IFT81: variants seen among roughly 807,000 people sequenced by gnomAD.
IFT81 encodes the protein intraflagellar transport protein 81 homolog.
IFT81 carries 72 observed loss-of-function variants against 102.6 expected under a neutral mutation model. The observed-to-expected ratio is 0.70, with a 90% confidence interval of 0.58 to 0.85. IFT81 has a LOEUF of 0.85. Ranked by LOEUF, IFT81 falls within the 40% of genes least tolerant of loss-of-function variation. The pLI is 0.00. For synonymous variants in IFT81, 237 were observed against 242.7 expected (o/e 0.98, Z 0.22); for missense variants, 723 against 787.3 (o/e 0.92, Z 0.98).
intron 17 of IFT81, among the ~76,000 whole-genome samples, chr12:110,207,861 T>G (rs1868880354): frequency 6.6e-6 from 1 of 152,196 alleles, no homozygotes; most frequent in African/African-American, 2.4e-5. Flanking sequence ...CTGCTTTAAA[T>G]CTCACATTTT....
At chr12:110,201,189 A>G (rs1050321442) in intron 14 of IFT81, among the ~76,000 whole-genome samples, 11 of 151,916 alleles carry the variant, frequency 7.2e-5, no homozygotes, top group African/African-American at 2.7e-4. Context: ...GATCACCTGA[A>G]GTCAGGAGTT....
rs536301519 is a variant in IFT81, at chr12:110,148,994, T to C, written c.1041+1946T>C. Among the ~76,000 whole-genome samples the C allele has an allele frequency of 3.9e-5, 6 of 152,366 alleles. No individual in the cohort carries two copies. The South Asian group carries it at 1.2e-3, about 32-fold the overall frequency. ...GTTTATTTAATCTCATTATGAATCC[T>C]AGACATTATAAGTTTTAAACAGTAT... On this transcript the variant is annotated intron_variant, in intron 10 of 18. Transcript: ENST00000242591.
chr12:110,197,662 C>T (rs1386364600), intron 14 of IFT81, among the ~76,000 whole-genome samples: 1 of 150,370 alleles, frequency 6.7e-6, no homozygotes, highest in African/African-American at 2.4e-5. Context: ...CCTCTTCTAC[C>T]TTACATGTGC....
At chr12:110,146,880 G>A (rs1895253741) in intron 9 of IFT81, 73 bp from the exon 10 acceptor site, 4 of 1,437,760 alleles carry the variant, frequency 2.8e-6, no homozygotes, top group Non-Finnish European at 3.7e-6. Flanking sequence ...AGCTGGTTTG[G>A]CCAGACGTCA....
intron 11 of IFT81, chr12:110,167,847 C>CTTT (rs746060315): frequency 1.5e-3 from 352 of 228,170 alleles, no homozygotes; most frequent in South Asian, 4.0e-3. Flanking sequence ...ATTTAGGTTT[C>CTTT]TTTTTTTTTT....
chr12:110,217,160 T>G (rs2137624916), intron 18 of IFT81, among the ~76,000 whole-genome samples: 1 of 152,234 alleles, frequency 6.6e-6, no homozygotes, highest in South Asian at 2.1e-4. Context: ...TTCTCCTGTC[T>G]CAGCCTCCTG....
At chr12:110,135,082 A>G (rs1266537514) in intron 6 of IFT81, 69 bp downstream of exon 6, 12 of 1,182,542 alleles carry the variant, frequency 1.0e-5, no homozygotes, top group South Asian at 8.0e-5. Flanking sequence ...TTAGGAATGC[A>G]AATAAAGATT....
At chr12:110,174,164 G>C (rs1896925262) in intron 11 of IFT81, among the ~76,000 whole-genome samples, 1 of 150,406 alleles carries the variant, frequency 6.6e-6, no homozygotes, top group Non-Finnish European at 1.5e-5. Flanking sequence ...TATAGTCCCA[G>C]CTACTCGGGA....
At chr12:110,150,394 T>C (rs1288563466) in intron 10 of IFT81, among the ~76,000 whole-genome samples, 2 of 152,124 alleles carry the variant, frequency 1.3e-5, no homozygotes, top group Non-Finnish European at 1.5e-5. Context: ...TAGGCAGCCA[T>C]TGTTTTTAGG....
chr12:110,139,068 G>A (rs1344059018), intron 8 of IFT81, among the ~76,000 whole-genome samples: 1 of 152,018 alleles, frequency 6.6e-6, no homozygotes, highest in Non-Finnish European at 1.5e-5. Flanking sequence ...TGGTGCAGTG[G>A]TTCACACCTG....
In IFT81 at chr12:110,203,935, G is replaced by A. The variant is rs984372095; in HGVS notation, c.1629G>A (p.Arg543=). 1.9e-6 allele frequency: 3 copies of A among 1,611,482 alleles called. No homozygotes were observed. Among genetic ancestry groups the A allele is most frequent in the Admixed American group, 3.3e-5 (2 of 59,766 alleles). The change falls in exon 15 of 19, where the codon CGG becomes CGA. Residue 543 remains arginine, a synonymous_variant. Transcript: ENST00000242591. ...GTGCAGCAGGCCTCGAAAGCAATCG[G>A]TCCAAATTAGAACAGGTAAGAAGAG... The part of the protein sequence containing the change: ...DSCAAGLESN[R]SKLEQEVRRL...
intron 15 of IFT81, chr12:110,204,232 T>C (rs755241768): frequency 8.2e-5 from 25 of 305,010 alleles, no homozygotes; most frequent in South Asian, 6.2e-4. Flanking sequence ...TCCAGAGATC[T>C]TTATTTCTTT....
At chr12:110,193,396 A>T (rs960933762) in intron 14 of IFT81, among the ~76,000 whole-genome samples, 2 of 152,296 alleles carry the variant, frequency 1.3e-5, no homozygotes, top group East Asian at 1.9e-4. Flanking sequence ...AAGTGGTGAC[A>T]AGTTAACTTT....
intron 10 of IFT81, among the ~76,000 whole-genome samples, chr12:110,150,586 T>C (rs1463182786): frequency 6.6e-6 from 1 of 152,198 alleles, no homozygotes; most frequent in African/African-American, 2.4e-5. Context: ...AACATCAACA[T>C]AATTTAATTC....
intron 18 of IFT81, among the ~76,000 whole-genome samples, chr12:110,212,950 T>A (rs1271765316): frequency 6.6e-6 from 1 of 152,194 alleles, no homozygotes; most frequent in Admixed American, 6.5e-5. Context: ...GCCAGCCTTG[T>A]TTTGTCTATA....
chr12:110,174,580 A>G (rs1333775227), intron 11 of IFT81, among the ~76,000 whole-genome samples: 1 of 152,104 alleles, frequency 6.6e-6, no homozygotes, highest in East Asian at 1.9e-4. Context: ...CCAGATATTG[A>G]GGGAGAAAAT....
At position 110,127,454 on chromosome 12, in the gene IFT81, C is replaced by T. The variant is rs889742464; in HGVS notation, c.74C>T (p.Thr25Met). 5.0e-6 allele frequency: 8 copies of T among 1,609,262 alleles called. No individual in the cohort carries two copies. Among genetic ancestry groups the T allele is most frequent in the African/African-American group, 4.0e-5 (3 of 74,730 alleles). The part of the protein sequence containing the change: ...EPFRKNYNLI[T>M]FDSLEPMQLL... ...TTTAGGAAGAACTATAATTTAATCA[C>T]GTTTGATTCCTTGGAGCCAATGCAA... Residue 25 changes from threonine to methionine, a missense_variant, in exon 2 of 19, where the codon ACG (threonine) becomes ATG (methionine). By Grantham distance (81) the Thr-to-Met change is moderately conservative. Transcript: ENST00000242591.
intron 11 of IFT81, among the ~76,000 whole-genome samples, chr12:110,172,947 G>T (rs1566141836): frequency 7.0e-6 from 1 of 142,746 alleles, no homozygotes; most frequent in Admixed American, 6.9e-5. Context: ...GGAGGTGGGG[G>T]TCAGCCCCCG....
intron 10 of IFT81, among the ~76,000 whole-genome samples, chr12:110,155,520 C>G (rs1267475490): frequency 6.6e-6 from 1 of 151,700 alleles, no homozygotes; most frequent in Non-Finnish European, 1.5e-5. Flanking sequence ...CCATGTTGAC[C>G]AGGCTGGTCT....
Sources: allele counts gnomAD v4.1 joint callset (sites outside exome capture counted in the v4.1 genomes callset), GRCh38; gene constraint gnomAD v4.1.1; transcripts MANE v1.5; gene names NCBI Gene and HGNC (gene_info 2026-07-23, HGNC 2026-07-21).